TMEM116: variants seen among roughly 807,000 people sequenced by gnomAD.
TMEM116 encodes transmembrane protein 116.
In TMEM116, 38 loss-of-function variants were observed where a neutral mutation model predicts 44.3. The observed-to-expected ratio is 0.86, with a 90% CI of 0.66 to 1.12. TMEM116 has a LOEUF of 1.12. TMEM116 is among the 50% of genes most tolerant of loss of function. The pLI is 0.00. For synonymous variants in TMEM116, 132 were observed against 144.8 expected, an observed-to-expected ratio of 0.91 and a Z score of 0.64; for missense variants, 354 against 401.7, an observed-to-expected ratio of 0.88 and a Z score of 1.01.
At chr12:111,945,827 T>C (rs1284161357) in intron 4 of TMEM116, among the ~76,000 whole-genome samples, 1 of 152,222 alleles carries the variant, frequency 6.6e-6, no homozygotes, top group Non-Finnish European at 1.5e-5. Flanking sequence ...AAAAGAGATA[T>C]GCATTCAGTA....
At chr12:111,940,480 T>TACCCACACAC (rs2072647062) in intron 5 of TMEM116, among the ~76,000 whole-genome samples, 1 of 128,920 alleles carries the variant, frequency 7.8e-6, no homozygotes, top group African/African-American at 3.1e-5. Flanking sequence ...TATATATACA[T>TACCCACACAC]ACACACACAC....
chr12:111,938,177 C>T lies in TMEM116; in HGVS notation c.349G>A (p.Ala117Thr). The T allele has an allele frequency of 6.3e-7, 1 of 1,597,826 alleles. No individual in the cohort carries two copies. Among genetic ancestry groups the T allele is most frequent in the Non-Finnish European group, 8.5e-7 (1 of 1,173,146 alleles). Residue 117 changes from alanine to threonine, a missense_variant, in exon 6 of 11, where the codon GCC becomes ACC. Transcript: ENST00000552374. ...IDYTCRVCQM[A>T]FVFSSLIPLL... ...AAATTTTACCTTGAGAAAACAAAGG[C>T]CATTTGACAAACTCGACAAGTATAA... is the stretch of plus-strand genomic sequence containing the variant.
chr12:112,011,920 G>A (rs2077858810), intron 1 of TMEM116: 1 of 152,170 alleles, frequency 6.6e-6, no homozygotes, highest in Non-Finnish European at 1.5e-5. Flanking sequence ...GCTGACCTGG[G>A]TGCTGTTTCT....
At chr12:111,977,365 A>G (rs1413984475) in intron 4 of TMEM116, among the ~76,000 whole-genome samples, 1 of 152,178 alleles carries the variant, frequency 6.6e-6, no homozygotes, top group Non-Finnish European at 1.5e-5. Context: ...TGTTTCCAGT[A>G]TCCAGTAAAA....
chr12:111,943,735 C>CCCGAT (rs1382543148), intron 4 of TMEM116, among the ~76,000 whole-genome samples: 1 of 152,124 alleles, frequency 6.6e-6, no homozygotes, highest in Non-Finnish European at 1.5e-5. Context: ...TCGGGTTTCA[C>CCCGAT]CATGTTGGCC....
chr12:111,999,273 T>C (rs1446121944), intron 3 of TMEM116, among the ~76,000 whole-genome samples: 2 of 152,164 alleles, frequency 1.3e-5, no homozygotes, highest in Non-Finnish European at 2.9e-5. Flanking sequence ...TGTTCTTCTA[T>C]TTACAAAGAG....
At chr12:111,934,167 C>G in intron 8 of TMEM116, 137 bp from the exon 9 acceptor site, 1 of 1,058,772 alleles carries the variant, frequency 9.4e-7, no homozygotes, top group East Asian at 2.8e-5. Context: ...TCTTTACTTT[C>G]TGAGATCAGG....
rs1052726794 is a variant in TMEM116 at position 111,946,576 on chromosome 12, T to G, written c.211-3207A>C. On this transcript the variant is annotated intron_variant, in intron 4 of 10. Coordinates refer to ENST00000552374, the MANE Select transcript of TMEM116 (RefSeq NM_001193531.2). Reference sequence around the variant, plus strand: ...CACCCTGGGTGGGCCAGGTGTTCCTTGCCCTCATTCCAGTAAACCCACAAC... The same window carrying G: ...CACCCTGGGTGGGCCAGGTGTTCCTGGCCCTCATTCCAGTAAACCCACAAC... 3.9e-5 allele frequency among the ~76,000 whole-genome samples: 6 copies of G among 152,172 alleles called. No individual in the cohort carries two copies. In the East Asian group the frequency reaches 5.8e-4, roughly 15 times the overall value.
At chr12:111,966,673 G>A (rs562728975) in intron 4 of TMEM116, among the ~76,000 whole-genome samples, 1 of 152,218 alleles carries the variant, frequency 6.6e-6, no homozygotes, top group Non-Finnish European at 1.5e-5. Flanking sequence ...TGTTGTTCAG[G>A]GCACTTCTTA....
chr12:111,931,526 T>C lies in TMEM116; in HGVS notation c.*95A>G, dbSNP rs575342890. The C allele has an allele frequency of 1.4e-4, 175 of 1,220,722 alleles. No individual in the cohort carries two copies. The African/African-American group carries it at 2.4e-3, about 17-fold the overall frequency. 75.6% of individuals were successfully genotyped at this position (1,220,722 alleles called of 1,614,324 possible). A position where few individuals can be genotyped will look rare whatever the true frequency, so the allele number is the denominator to read the frequency against. On this transcript the variant is annotated 3_prime_UTR_variant, in exon 11 of 11. Transcript: ENST00000552374. ...CCTTTGAGTTCTGCAGTTTAGGGCATAGTTAGAAAAGATTTAAGATGTCCT... is the reference window on the plus strand; with the variant it reads ...CCTTTGAGTTCTGCAGTTTAGGGCACAGTTAGAAAAGATTTAAGATGTCCT...
intron 10 of TMEM116, among the ~76,000 whole-genome samples, 197 bp from the exon 11 acceptor site, chr12:111,932,024 G>T (rs1185800062): frequency 6.6e-6 from 1 of 152,146 alleles, no homozygotes; most frequent in Admixed American, 6.5e-5. Context: ...ATGACTGAGA[G>T]TTGGTCATAC....
At chr12:112,009,342 T>G (rs997659253) in intron 1 of TMEM116, among the ~76,000 whole-genome samples, 1 of 152,076 alleles carries the variant, frequency 6.6e-6, no homozygotes, top group Non-Finnish European at 1.5e-5. Flanking sequence ...TGAGAGTTCA[T>G]GTAAAAATGG....
rs1312718516 is a variant in TMEM116 at position 112,013,128 on chromosome 12, A to G, written c.-160T>C. On this transcript the variant is annotated 5_prime_UTR_variant, in exon 1 of 11. Coordinates refer to ENST00000552374, the MANE Select transcript of TMEM116 (RefSeq NM_001193531.2). ...GAATTGCTATAGCGTCCCCATGCGC[A>G]CTTGGCGCTTCTCCTCAAGCGGAGC... 1 of 299,008 alleles carries G rather than the reference A, an allele frequency of 3.3e-6. No individual in the cohort carries two copies. The highest frequency in any genetic ancestry group is 2.2e-5 in the African/African-American group (1 of 46,066). 18.5% of individuals were successfully genotyped at this position (299,008 alleles called of 1,614,324 possible).
At chr12:111,938,120 G>A (rs780420113) in intron 6 of TMEM116, 41 bp downstream of exon 6, 36 of 1,410,772 alleles carry the variant, frequency 2.6e-5, no homozygotes, top group Non-Finnish European at 3.5e-5. Context: ...CCAGAATAAT[G>A]AGAGTCTACA....
intron 1 of TMEM116, chr12:112,012,140 G>T (rs2077869338): frequency 6.6e-6 from 1 of 152,168 alleles, no homozygotes; most frequent in African/African-American, 2.4e-5. Context: ...TTTTCCCATT[G>T]TTAGAAATGC....
intron 4 of TMEM116, among the ~76,000 whole-genome samples, chr12:111,957,316 C>T (rs1025984674): frequency 1.1e-4 from 17 of 151,990 alleles, no homozygotes; most frequent in African/African-American, 3.4e-4. Flanking sequence ...TCTGCCCCGC[C>T]GCCACCCCGT....
At chr12:111,953,181 G>T (rs1237470321) in intron 4 of TMEM116, among the ~76,000 whole-genome samples, 1 of 152,096 alleles carries the variant, frequency 6.6e-6, no homozygotes, top group Non-Finnish European at 1.5e-5. Context: ...CCACCTGGTA[G>T]ACTTACCCTG....
chr12:111,985,757 C>T (rs931357388), intron 4 of TMEM116, among the ~76,000 whole-genome samples: 20 of 152,076 alleles, frequency 1.3e-4, no homozygotes, highest in African/African-American at 4.6e-4. Flanking sequence ...CCACCACACC[C>T]AGCTAATTTT....
intron 4 of TMEM116, among the ~76,000 whole-genome samples, chr12:111,955,936 T>A (rs1452719830): frequency 6.6e-6 from 1 of 152,228 alleles, no homozygotes; most frequent in East Asian, 1.9e-4. Context: ...GTAAATGCAC[T>A]CTATGATGTT....
Sources: allele counts gnomAD v4.1 joint callset (sites outside exome capture counted in the v4.1 genomes callset), GRCh38; gene constraint gnomAD v4.1.1; transcripts MANE v1.5; gene names NCBI Gene and HGNC (gene_info 2026-07-23, HGNC 2026-07-21).